Variants in CHRNB1 observed in about 807,000 individuals in gnomAD.
CHRNB1 encodes cholinergic receptor nicotinic beta 1 subunit.
CHRNB1 carries 47 observed loss-of-function variants against 53.8 expected under a neutral mutation model. The ratio of observed to expected loss-of-function variants is 0.87; its 90% CI spans 0.69 to 1.11. The LOEUF is 1.11. Among genes scored for constraint, CHRNB1 ranks in the 50% most tolerant of loss-of-function variants. The pLI is 0.00. For synonymous variants in CHRNB1, 259 were observed against 263.5 expected (o/e 0.98, Z 0.16); for missense variants, 605 against 654.9 (o/e 0.92, Z 0.83).
Position 7,448,803 on chromosome 17 carries a change from G to C in CHRNB1, c.820+15G>C, listed in dbSNP as rs1324320229. On this transcript the variant is annotated intron_variant, in intron 7 of 10. Transcript: ENST00000306071. ...ACCAGATGCAGGTAATGGGGGAAGGGGCTCCTTACTCTTTTGTCATTGGCT... is the reference window on the plus strand; with the variant it reads ...ACCAGATGCAGGTAATGGGGGAAGGCGCTCCTTACTCTTTTGTCATTGGCT... The C allele has an allele frequency of 6.2e-7, 1 of 1,611,692 alleles. No homozygotes were observed. The highest frequency in any genetic ancestry group is 8.5e-7 in the Non-Finnish European group (1 of 1,177,812).
At chr17:7,447,798 C>A (rs1049534118) in intron 6 of CHRNB1, 148 bp downstream of exon 6, 21 of 1,024,090 alleles carry the variant, frequency 2.1e-5, no homozygotes, top group Non-Finnish European at 2.8e-5. Flanking sequence ...ATGGAAATTG[C>A]CGGGGGCAGT....
chr17:7,447,190 C>G, intron 5 of CHRNB1, 39 bp downstream of exon 5: 1 of 1,532,806 alleles, frequency 6.5e-7, no homozygotes, highest in East Asian at 2.2e-5. Context: ...GGAGCTCTTA[C>G]AAATCCTCCC....
intron 9 of CHRNB1, 126 bp downstream of exon 9, chr17:7,455,582 C>T: frequency 7.8e-7 from 1 of 1,288,534 alleles, no homozygotes; most frequent in Non-Finnish European, 1.1e-6. Context: ...AGTTGTAGTA[C>T]TCCTGCTGCT....
At chr17:7,454,568 T>C (rs758930059) in intron 8 of CHRNB1, 48 bp downstream of exon 8, 61 of 1,436,674 alleles carry the variant, frequency 4.2e-5, no homozygotes, top group Non-Finnish European at 5.5e-5. Context: ...TTACAGACCA[T>C]AGGGAGAACT....
Position 7,448,662 on chromosome 17 carries a change from C to G in CHRNB1, c.694C>G (p.Arg232Gly). ...TCCTAGGGGAGGGAGGGAAGGACAG[C>G]GCCAGGAAGTCATCTTCTACCTCAT... ...GDPRGGREGQ[R>G]QEVIFYLIIR... The change falls in exon 7 of 11, where the codon CGC (arginine) becomes GGC (glycine). Residue 232 changes from arginine to glycine, a missense_variant. Arg to Gly is a moderately radical substitution (Grantham distance 125, BLOSUM62 -2). Coordinates refer to ENST00000306071, the MANE Select transcript of CHRNB1 (RefSeq NM_000747.3). 2 of 1,614,118 alleles carry G rather than the reference C, an allele frequency of 1.2e-6. No homozygotes were observed. Among genetic ancestry groups the G allele is most frequent in the Non-Finnish European group, 1.7e-6 (2 of 1,180,004 alleles).
chr17:7,445,480 C>G lies in CHRNB1; in HGVS notation c.198+71C>G. 6.3e-7 allele frequency: 1 copy of G among 1,576,506 alleles called. No homozygotes were observed. Among genetic ancestry groups the G allele is most frequent in the South Asian group, 1.1e-5 (1 of 88,298 alleles). On this transcript the variant is annotated intron_variant, in intron 2 of 10. Coordinates refer to ENST00000306071, the MANE Select transcript of CHRNB1 (RefSeq NM_000747.3). This position sits in a 1 kb window ranked among gnomAD's most constrained non-coding sequence, Gnocchi z 5.7. Reference sequence around the variant, plus strand: ...GGGCGTGGCTTTAGGCAAGGCCGGACCAGGGACAGGCTGGGGGCGGGGCCT... The same window carrying G: ...GGGCGTGGCTTTAGGCAAGGCCGGAGCAGGGACAGGCTGGGGGCGGGGCCT...
intron 10 of CHRNB1, 72 bp downstream of exon 10, chr17:7,456,013 A>T: frequency 7.9e-7 from 1 of 1,268,800 alleles, no homozygotes. Flanking sequence ...CCGCACCAGC[A>T]CTCGCTTTCG....
Position 7,445,548 on chromosome 17 carries a change from T to C in CHRNB1, c.198+139T>C. 7.3e-6 allele frequency: 11 copies of C among 1,512,054 alleles called. No individual in the cohort carries two copies. In the South Asian group the frequency reaches 1.4e-4, roughly 19 times the overall value. The allele number at this position is 1,512,054 out of a possible 1,614,324, so 93.7% of individuals were successfully genotyped here. On this transcript the variant is annotated intron_variant, in intron 2 of 10. Coordinates refer to ENST00000306071, the MANE Select transcript of CHRNB1 (RefSeq NM_000747.3). This position sits in a 1 kb window ranked among gnomAD's most constrained non-coding sequence, Gnocchi z 5.7. ...AGATGGACCAGCCTTTGGTGAAGAT[T>C]GGATCGAAATCAGACCAATGGACAA...
intron 8 of CHRNB1, 29 bp from the exon 9 acceptor site, chr17:7,455,255 C>T: frequency 6.2e-7 from 1 of 1,613,672 alleles, no homozygotes; most frequent in Non-Finnish European, 8.5e-7. Flanking sequence ...CATGAAAGCC[C>T]CCACCAATAC....
chr17:7,455,689 C>T (rs532800802), intron 9 of CHRNB1, 105 bp from the exon 10 acceptor site: 191 of 1,484,626 alleles, frequency 1.3e-4, no homozygotes, highest in Non-Finnish European at 1.8e-4. Context: ...GATGGGCTCT[C>T]GGGTTTTGAG....
In CHRNB1 at chr17:7,445,272, G is replaced by A. The variant is rs775150297; in HGVS notation, c.61G>A (p.Val21Ile). The change falls in exon 2 of 11, where the codon GTC (valine) becomes ATC (isoleucine). Residue 21 changes from valine to isoleucine, a missense_variant and splice_region_variant. Physicochemically the swap from Val to Ile is conservative, Grantham distance 29 (BLOSUM62 3). Coordinates refer to ENST00000306071, the MANE Select transcript of CHRNB1 (RefSeq NM_000747.3). This position sits in a 1 kb window ranked among gnomAD's most constrained non-coding sequence, Gnocchi z 5.7. Reference sequence around the variant, plus strand: ...GCACTTATTCTCTCCTCCCCCAGGCGTCCGCGGCTCGGAGGCGGAGGGTCG... The same window carrying A: ...GCACTTATTCTCTCCTCCCCCAGGCATCCGCGGCTCGGAGGCGGAGGGTCG... ...GALGAPLAPGVRGSEAEGRLR... is the reference protein window; with the variant it reads ...GALGAPLAPGIRGSEAEGRLR... The A allele has an allele frequency of 2.4e-5, 39 of 1,612,834 alleles. No homozygotes were observed. The highest frequency in any genetic ancestry group is 3.1e-5 in the Non-Finnish European group (37 of 1,179,762).
chr17:7,450,472 T>A (rs564799465), intron 7 of CHRNB1, among the ~76,000 whole-genome samples: 8 of 152,324 alleles, frequency 5.3e-5, no homozygotes, highest in Non-Finnish European at 1.2e-4. Context: ...TGTCTCAGTT[T>A]CCTGATCTGG....
intron 7 of CHRNB1, among the ~76,000 whole-genome samples, chr17:7,450,231 C>T (rs1908837951): frequency 6.6e-6 from 1 of 151,526 alleles, no homozygotes; most frequent in African/African-American, 2.4e-5. Flanking sequence ...GCAACCTCCA[C>T]CTCCTGGGTT....
chr17:7,455,967 G>A, intron 10 of CHRNB1, 26 bp downstream of exon 10: 1 of 1,613,400 alleles, frequency 6.2e-7, no homozygotes, highest in Non-Finnish European at 8.5e-7. Context: ...GTGGAACAAG[G>A]CCAGGTCTAG....
chr17:7,446,387 A>G (rs969420365), intron 3 of CHRNB1: 3 of 534,792 alleles, frequency 5.6e-6, no homozygotes, highest in East Asian at 3.3e-5. Context: ...CGGTCTCACT[A>G]TGTTGCACAG....
In CHRNB1 at chr17:7,445,534, C is replaced by T. The variant is rs948817419; in HGVS notation, c.198+125C>T. 2.7e-5 allele frequency: 41 copies of T among 1,524,360 alleles called. No homozygotes were observed. Among genetic ancestry groups the T allele is most frequent in the Non-Finnish European group, 3.2e-5 (37 of 1,140,024 alleles). The allele number at this position is 1,524,360 out of a possible 1,614,324, so 94.4% of individuals were successfully genotyped here. On this transcript the variant is annotated intron_variant, in intron 2 of 10. Coordinates refer to ENST00000306071, the MANE Select transcript of CHRNB1 (RefSeq NM_000747.3). This position sits in a 1 kb window ranked among gnomAD's most constrained non-coding sequence, Gnocchi z 5.7. ...ACGAGACCAGGCTGAGATGGACCAG[C>T]CTTTGGTGAAGATTGGATCGAAATC...
At chr17:7,454,815 T>C (rs1909015541) in intron 8 of CHRNB1, among the ~76,000 whole-genome samples, 1 of 147,566 alleles carries the variant, frequency 6.8e-6, no homozygotes, top group Non-Finnish European at 1.5e-5. Context: ...TTTTTTTTTT[T>C]TTTTTGAGAT....
At chr17:7,451,338 G>A (rs1396018664) in intron 7 of CHRNB1, among the ~76,000 whole-genome samples, 2 of 143,112 alleles carry the variant, frequency 1.4e-5, no homozygotes, top group Admixed American at 7.2e-5. Flanking sequence ...ATGCAGTGGC[G>A]CGATCTCGGC....
intron 8 of CHRNB1, among the ~76,000 whole-genome samples, 185 bp downstream of exon 8, chr17:7,454,705 G>T (rs960452587): frequency 1.3e-5 from 2 of 151,506 alleles, no homozygotes; most frequent in African/African-American, 4.9e-5. Context: ...TGCCCATCTC[G>T]GGTCCCAGGG....
Sources: allele counts gnomAD v4.1 joint callset (sites outside exome capture counted in the v4.1 genomes callset), GRCh38; gene constraint gnomAD v4.1.1; non-coding constraint Gnocchi (gnomAD v3.1); transcripts MANE v1.5; gene names NCBI Gene and HGNC (gene_info 2026-07-23, HGNC 2026-07-21).